Variants in CORO7 observed in about 807,000 individuals in gnomAD.
The protein encoded by CORO7 is coronin 7.
Under a neutral mutation model 126.6 loss-of-function variants are expected in CORO7, and 107 were observed. The observed-to-expected ratio is 0.85, with a 90% CI of 0.72 to 0.99. The LOEUF is 0.99. Ranked by LOEUF, CORO7 falls within the 50% of genes least tolerant of loss-of-function variation. The pLI is 0.00. For missense variants in CORO7, 1,314 were observed against 1,255.8 expected (o/e 1.05, Z -0.70); for synonymous variants, 603 against 536.8 (o/e 1.12, Z -1.70).
intron 9 of CORO7, among the ~76,000 whole-genome samples, chr16:4,378,063 C>A (rs1323105065): frequency 1.3e-5 from 2 of 152,194 alleles, no homozygotes; most frequent in South Asian, 4.1e-4. Context: ...TATGGCTGGT[C>A]CCCCTCCCCA....
chr16:4,405,426 C>G, intron 6 of CORO7, 65 bp downstream of exon 6: 2 of 1,542,168 alleles, frequency 1.3e-6, no homozygotes, highest in Non-Finnish European at 8.8e-7. Context: ...AAGGCCCAGC[C>G]CAGGGGGTCC....
At chr16:4,389,203 C>G (rs1596316419) in intron 7 of CORO7, among the ~76,000 whole-genome samples, 1 of 152,152 alleles carries the variant, frequency 6.6e-6, no homozygotes, top group Non-Finnish European at 1.5e-5. Context: ...TGGGCAACGT[C>G]CAGAGAGCGC....
intron 6 of CORO7, among the ~76,000 whole-genome samples, chr16:4,402,391 C>T (rs990569058): frequency 6.6e-6 from 1 of 152,082 alleles, no homozygotes; most frequent in African/African-American, 2.4e-5. Context: ...ACCACAGGCG[C>T]GTGCCACCAT....
In CORO7 at chr16:4,361,162, C is replaced by A. The variant is rs1266853843; in HGVS notation, c.1774G>T (p.Gly592Cys). 3 of 1,613,190 alleles carry A rather than the reference C, an allele frequency of 1.9e-6. No individual in the cohort carries two copies. The South Asian group carries it at 3.3e-5, about 18-fold the overall frequency. The change falls in exon 18 of 28, where the codon GGC becomes TGC. Residue 592 changes from glycine to cysteine, a missense_variant and splice_region_variant. Gly to Cys is a radical substitution (Grantham distance 159, BLOSUM62 -3). Transcript: ENST00000251166. ...VLTTPETVLT[G>C]HTEKICSLRF... ...AGCCCCATTCCTGAGCCTGCCTGAC[C>A]TGTGAGCACAGTCTCTGGCGTGGTG... is the stretch of plus-strand genomic sequence containing the variant.
At chr16:4,367,232 G>T (rs564431745) in intron 9 of CORO7, among the ~76,000 whole-genome samples, 1 of 152,176 alleles carries the variant, frequency 6.6e-6, no homozygotes, top group African/African-American at 2.4e-5. Flanking sequence ...TTTGCATCCC[G>T]GCCTGACCAC....
At chr16:4,397,453 A>T (rs1463546311) in intron 6 of CORO7, 1 of 147,214 alleles carries the variant, frequency 6.8e-6, no homozygotes, top group East Asian at 2.0e-4. Flanking sequence ...GACTCCGTCT[A>T]AAAAAAAAAC....
intron 6 of CORO7, among the ~76,000 whole-genome samples, chr16:4,398,221 G>T (rs891357848): frequency 6.6e-6 from 1 of 152,132 alleles, no homozygotes; most frequent in Non-Finnish European, 1.5e-5. Context: ...GGCCTGGTTT[G>T]AATATACATT....
chr16:4,359,458 C>T lies in CORO7; in HGVS notation c.2250+22G>A, dbSNP rs764733122. On this transcript the variant is annotated intron_variant, in intron 22 of 27. Coordinates refer to ENST00000251166, the MANE Select transcript of CORO7 (RefSeq NM_024535.5). ...CCCCCCACCACCTCTCACCTGCCAT[C>T]CCGCCCTCCAGCCCAGCCCACCTTG... 7 of 1,613,400 alleles carry T rather than the reference C, an allele frequency of 4.3e-6. No individual in the cohort carries two copies. In the Admixed American group the frequency reaches 1.2e-4, roughly 27 times the overall value.
At position 4,416,487 on chromosome 16, in the gene CORO7, T is replaced by C. The variant is rs1011104571; in HGVS notation, c.32A>G (p.His11Arg). Reference sequence around the variant, plus strand: ...GCGGCGGGGCGGCCGAGCCTCGGTGTGCCGGAACTTGGACACCCTGAAGCG... The same window carrying C: ...GCGGCGGGGCGGCCGAGCCTCGGTGCGCCGGAACTTGGACACCCTGAAGCG... MNRFRVSKFRHTEARPPRRES... is the reference protein window; with the variant it reads MNRFRVSKFRRTEARPPRRES... Residue 11 changes from histidine to arginine, a missense_variant, in exon 1 of 28, where the codon CAC becomes CGC. His to Arg is a conservative substitution (Grantham distance 29). Coordinates refer to ENST00000251166, the MANE Select transcript of CORO7 (RefSeq NM_024535.5). 1.3e-6 allele frequency: 2 copies of C among 1,579,124 alleles called. No homozygotes were observed. Among genetic ancestry groups the C allele is most frequent in the Non-Finnish European group, 1.7e-6 (2 of 1,165,934 alleles).
chr16:4,375,368 A>G (rs1229655478), intron 9 of CORO7, among the ~76,000 whole-genome samples: 2 of 152,204 alleles, frequency 1.3e-5, no homozygotes, highest in Non-Finnish European at 2.9e-5. Flanking sequence ...CAGGAAGACG[A>G]GCTGACATCC....
intron 9 of CORO7, among the ~76,000 whole-genome samples, chr16:4,366,567 G>T (rs548665520): frequency 4.3e-5 from 6 of 140,952 alleles, no homozygotes; most frequent in African/African-American, 1.7e-4. Context: ...TAAGAGACAC[G>T]GTCTCCCTCT....
chr16:4,380,284 G>A (rs1035596913), intron 9 of CORO7, among the ~76,000 whole-genome samples: 1 of 152,170 alleles, frequency 6.6e-6, no homozygotes, highest in Non-Finnish European at 1.5e-5. Flanking sequence ...GCCACTTCCT[G>A]GCGGCCCGCA....
intron 7 of CORO7, among the ~76,000 whole-genome samples, chr16:4,394,429 A>G (rs1241758801): frequency 2.7e-5 from 4 of 150,860 alleles, no homozygotes; most frequent in Non-Finnish European, 4.4e-5. Flanking sequence ...AGCCTGGGCG[A>G]CAGAGCGAGA....
At chr16:4,364,957 C>CAGGGG (rs757157575) in intron 11 of CORO7, 37 bp from the exon 12 acceptor site, 11 of 1,605,954 alleles carry the variant, frequency 6.8e-6, no homozygotes, top group Non-Finnish European at 8.5e-6. Context: ...GCAGGATGGG[C>CAGGGG]AGGGGAGGGG....
At chr16:4,411,514 C>A (rs989722315) in intron 3 of CORO7, among the ~76,000 whole-genome samples, 2 of 151,916 alleles carry the variant, frequency 1.3e-5, no homozygotes, top group African/African-American at 4.8e-5. Flanking sequence ...CCAGCCCGGG[C>A]AATATAGCAA....
chr16:4,393,658 G>A (rs2055477250), intron 7 of CORO7, among the ~76,000 whole-genome samples: 1 of 152,122 alleles, frequency 6.6e-6, no homozygotes, highest in Non-Finnish European at 1.5e-5. Context: ...ACCCCGGGTG[G>A]GGAAAACGTC....
rs925897284 is a variant in CORO7 at position 4,368,068 on chromosome 16, G to A, written c.786-2523C>T. Among the ~76,000 whole-genome samples the A allele has an allele frequency of 4.6e-5, 7 of 152,126 alleles. 1 individual carries two copies. The highest frequency in any genetic ancestry group is 9.6e-5 in the African/African-American group (4 of 41,514). ...AAAAATTAAAAATTAAAAAATTAGC[G>A]AGGTATGCTGGCTCACGCCTGTAAT... On this transcript the variant is annotated intron_variant, in intron 9 of 27. Transcript: ENST00000251166.
In CORO7 at chr16:4,360,455, C is replaced by T; in HGVS notation, c.2011G>A (p.Glu671Lys). 2 of 1,612,662 alleles carry T rather than the reference C, an allele frequency of 1.2e-6. No homozygotes were observed. The highest frequency in any genetic ancestry group is 1.7e-6 in the Non-Finnish European group (2 of 1,179,750). The change falls in exon 20 of 28, where the codon GAG becomes AAG. Residue 671 changes from glutamate to lysine, a missense_variant. Coordinates refer to ENST00000251166, the MANE Select transcript of CORO7 (RefSeq NM_024535.5). ...VRVYRPRSGP[E>K]PLQEGPGPKG... ...CCCTGTGTGCTCACCTGCAGGGGCT[C>T]AGGGCCACTCCGGGGCCTGTAGACC...
In CORO7 at chr16:4,367,888, G is replaced by A. The variant is rs562948232; in HGVS notation, c.786-2343C>T. 1.8e-4 allele frequency among the ~76,000 whole-genome samples: 27 copies of A among 152,070 alleles called. No individual in the cohort carries two copies. The South Asian group carries it at 2.5e-3, about 14-fold the overall frequency. On this transcript the variant is annotated intron_variant, in intron 9 of 27. Transcript: ENST00000251166. ...AGTGGACGAGCAATGAAAAGGTGACGGTGCGTTTCAAGCAAAAGAGGCTAG... is the reference window on the plus strand; with the variant it reads ...AGTGGACGAGCAATGAAAAGGTGACAGTGCGTTTCAAGCAAAAGAGGCTAG...
Sources: allele counts gnomAD v4.1 joint callset (sites outside exome capture counted in the v4.1 genomes callset), GRCh38; gene constraint gnomAD v4.1.1; transcripts MANE v1.5; gene names NCBI Gene and HGNC (gene_info 2026-07-23, HGNC 2026-07-21).